The following PDZD2 variants were observed in gnomAD, a reference collection of about 807,000 sequenced individuals.
PDZD2 encodes PDZ domain-containing protein 2.
A neutral mutation model predicts 220.7 loss-of-function variants in PDZD2; 90 were observed. The observed-to-expected ratio is 0.41, with a 90% CI of 0.34 to 0.49. The LOEUF is 0.49. Among genes scored for constraint, PDZD2 ranks in the 20% least tolerant of loss-of-function variants. The pLI, the probability that PDZD2 is intolerant of heterozygous loss-of-function variation, is 0.28. For missense variants in PDZD2, 3,174 were observed against 3,608.5 expected (o/e 0.88, Z 3.08); for synonymous variants, 1,375 against 1,450.5 (o/e 0.95, Z 1.18).
intron 1 of PDZD2, among the ~76,000 whole-genome samples, chr5:31,775,706 T>TGTGTGTGTG (rs60935573): frequency 6.7e-6 from 1 of 149,558 alleles, no homozygotes; most frequent in Non-Finnish European, 1.5e-5. Flanking sequence ...TGTGTGTGTG[T>TGTGTGTGTG]AGTCATCTCC....
intron 1 of PDZD2, among the ~76,000 whole-genome samples, chr5:31,750,755 C>G (rs2150176717): frequency 6.6e-6 from 1 of 152,290 alleles, no homozygotes; most frequent in Admixed American, 6.5e-5. Flanking sequence ...TGCATTCCCA[C>G]CAGTGAGAGG....
intron 1 of PDZD2, among the ~76,000 whole-genome samples, chr5:31,761,545 T>G (rs975533655): frequency 6.6e-6 from 1 of 151,806 alleles, no homozygotes; most frequent in Non-Finnish European, 1.5e-5. Flanking sequence ...AGGAAATACC[T>G]GAGACTGGGT....
chr5:31,866,593 TAAA>T (rs1561523908), intron 2 of PDZD2, among the ~76,000 whole-genome samples: 1 of 152,056 alleles, frequency 6.6e-6, no homozygotes, highest in African/African-American at 2.4e-5. Flanking sequence ...AATTATTTTT[TAAA>T]AAAGAAGAGA....
At chr5:32,050,683 T>C (rs1738456346) in intron 8 of PDZD2, among the ~76,000 whole-genome samples, 1 of 152,114 alleles carries the variant, frequency 6.6e-6, no homozygotes, top group South Asian at 2.1e-4. Flanking sequence ...TAGCTGGGTA[T>C]GGTCGTGCAT....
chr5:31,777,235 C>T (rs1752721537), intron 1 of PDZD2, among the ~76,000 whole-genome samples: 1 of 152,174 alleles, frequency 6.6e-6, no homozygotes, highest in South Asian at 2.1e-4. Flanking sequence ...CAGTGAGGGG[C>T]TTAGCACCCA....
intron 1 of PDZD2, among the ~76,000 whole-genome samples, chr5:31,700,185 A>G (rs1747555047): frequency 6.6e-6 from 1 of 152,132 alleles, no homozygotes; most frequent in African/African-American, 2.4e-5. Flanking sequence ...ACACCATATG[A>G]TGAGAAGGCA....
chr5:31,876,884 A>C (rs1010883301), intron 2 of PDZD2, among the ~76,000 whole-genome samples: 5 of 152,198 alleles, frequency 3.3e-5, no homozygotes, highest in African/African-American at 1.2e-4. Context: ...ACTCCTTAAA[A>C]AATTTCAGTG....
At chr5:32,051,234 A>G (rs574203957) in intron 8 of PDZD2, among the ~76,000 whole-genome samples, 115 of 152,112 alleles carry the variant, frequency 7.6e-4, no homozygotes, top group Non-Finnish European at 1.5e-3. Flanking sequence ...AACCCAGGCG[A>G]TGTTTGGCCA....
intron 1 of PDZD2, among the ~76,000 whole-genome samples, chr5:31,682,723 A>G (rs1310638728): frequency 6.9e-6 from 1 of 143,926 alleles, no homozygotes; most frequent in Non-Finnish European, 1.5e-5. Flanking sequence ...GTGTGTGTAC[A>G]TGGTTTACAC....
intron 2 of PDZD2, among the ~76,000 whole-genome samples, chr5:31,886,612 A>C (rs1740501705): frequency 2.0e-5 from 3 of 152,086 alleles, no homozygotes; most frequent in African/African-American, 7.2e-5. Flanking sequence ...CCAGGGTGGA[A>C]TTGAGGTCTT....
intron 24 of PDZD2, among the ~76,000 whole-genome samples, chr5:32,105,823 G>T (rs1413436253): frequency 6.6e-6 from 1 of 152,344 alleles, no homozygotes; most frequent in South Asian, 2.1e-4. Context: ...TTAAGATTCA[G>T]TTTGGCCTCA....
chr5:31,976,962 C>T (rs535655058), intron 2 of PDZD2, among the ~76,000 whole-genome samples: 13 of 151,394 alleles, frequency 8.6e-5, no homozygotes, highest in South Asian at 2.1e-4. Flanking sequence ...ATGATCCACC[C>T]GCCTTGGCCT....
chr5:31,822,094 T>C (rs1050997383), intron 2 of PDZD2, among the ~76,000 whole-genome samples: 3 of 152,228 alleles, frequency 2.0e-5, no homozygotes, highest in East Asian at 1.9e-4. Context: ...CAGTCTATCA[T>C]TGATGGGCAT....
chr5:31,961,302 T>G (rs1020833087), intron 2 of PDZD2, among the ~76,000 whole-genome samples: 5 of 148,268 alleles, frequency 3.4e-5, no homozygotes, highest in African/African-American at 1.3e-4. Context: ...AGGCCGAGGC[T>G]GGCAGTTCAC....
Position 31,995,603 on chromosome 5 carries a change from G to C in PDZD2, c.1006G>C (p.Glu336Gln). 1 of 1,614,146 alleles carries C rather than the reference G, an allele frequency of 6.2e-7. No individual in the cohort carries two copies. Among genetic ancestry groups the C allele is most frequent in the South Asian group, 1.1e-5 (1 of 91,068 alleles). The stretch of plus-strand genomic sequence containing the variant: ...GGAAGTTGGCCGAATATGGAAGATG[G>C]AGCTGCTCAAAGAATCGGATGGGCT... ...REEVGRIWKM[E>Q]LLKESDGLGI... The change falls in exon 4 of 25, where the codon GAG (glutamate) becomes CAG (glutamine). Residue 336 changes from glutamate (E) to glutamine (Q), a missense_variant. By Grantham distance (29) the Glu-to-Gln change is conservative. This residue lies in a region of PDZD2 where 632 missense variants were observed against 708.1 expected (regional missense o/e 0.89). Transcript: ENST00000438447.
In PDZD2 at chr5:32,033,654, CT is replaced by C. The variant is rs1225115669; in HGVS notation, c.1408-3573del. On this transcript the variant is annotated intron_variant, in intron 6 of 24. Coordinates refer to ENST00000438447, the MANE Select transcript of PDZD2 (RefSeq NM_178140.4). ...TTTTTTTTTGAGACAGAGCCTCGCT[CT>C]TTTGCCCAGGCTGGAATGCAGTGGC... Among the ~76,000 whole-genome samples the C allele has an allele frequency of 2.6e-5, 4 of 151,096 alleles. No homozygotes were observed. In the East Asian group the frequency reaches 7.8e-4, roughly 29 times the overall value.
intron 3 of PDZD2, among the ~76,000 whole-genome samples, chr5:31,986,866 C>T (rs780545471): frequency 6.6e-6 from 1 of 152,136 alleles, no homozygotes; most frequent in South Asian, 2.1e-4. Context: ...AAAATAAACC[C>T]TCAGTCTTTC....
intron 2 of PDZD2, among the ~76,000 whole-genome samples, chr5:31,824,854 TATC>T (rs1756119301): frequency 6.6e-6 from 1 of 152,214 alleles, no homozygotes; most frequent in Admixed American, 6.5e-5. Context: ...CAGGATCAAA[TATC>T]ATAGGAGGTT....
intron 7 of PDZD2, among the ~76,000 whole-genome samples, chr5:32,043,238 G>T (rs1386328190): frequency 6.6e-6 from 1 of 152,226 alleles, no homozygotes; most frequent in African/African-American, 2.4e-5. Flanking sequence ...TGGCTGAGTA[G>T]CTATTCCAGG....
Sources: allele counts gnomAD v4.1 joint callset (sites outside exome capture counted in the v4.1 genomes callset), GRCh38; gene constraint gnomAD v4.1.1; regional missense constraint gnomAD v4.1.1; transcripts MANE v1.5; gene names NCBI Gene and HGNC (gene_info 2026-07-23, HGNC 2026-07-21).